The following SYNDIG1L variants were observed in gnomAD, a reference collection of about 807,000 sequenced individuals.
SYNDIG1L encodes the protein synapse differentiation inducing 1 like, also known as synapse differentiation-inducing gene protein 1-like.
Under a neutral mutation model 20.1 loss-of-function variants are expected in SYNDIG1L, and 13 were observed. The observed-to-expected ratio is 0.65, with a 90% CI of 0.42 to 1.03. SYNDIG1L has a LOEUF of 1.03. Among genes scored for constraint, SYNDIG1L ranks in the 50% least tolerant of loss-of-function variants. The probability of loss-of-function intolerance (pLI) is 0.00; values close to 1 mark genes in which losing one functional copy is unlikely to be tolerated. For missense variants in SYNDIG1L, 294 were observed against 305.1 expected (o/e 0.96, Z 0.27); for synonymous variants, 128 against 129.3 (o/e 0.99, Z 0.07).
At chr14:74,423,825 C>A (rs540920355) in intron 1 of SYNDIG1L, among the ~76,000 whole-genome samples, 3 of 151,964 alleles carry the variant, frequency 2.0e-5, no homozygotes, top group Admixed American at 2.0e-4. Flanking sequence ...TAGGAGATGG[C>A]CAATGGTGGG....
At chr14:74,476,340 G>A in the SYNDIG1L span, 14 of 665,822 alleles carry the variant, frequency 2.1e-5, no homozygotes, top group South Asian at 1.2e-4. Flanking sequence ...GCTCCTTCTT[G>A]GCCTTACCCA....
At chr14:74,432,304 C>T in the SYNDIG1L span, among the ~76,000 whole-genome samples, 2 of 152,144 alleles carry the variant, frequency 1.3e-5, no homozygotes, top group Non-Finnish European at 2.9e-5. Context: ...GCTTGGGGCA[C>T]CCATGTAAGG....
the SYNDIG1L span, among the ~76,000 whole-genome samples, chr14:74,452,508 C>T: frequency 1.1e-4 from 16 of 152,162 alleles, no homozygotes; most frequent in Non-Finnish European, 8.8e-5. Flanking sequence ...GTAAGATGTA[C>T]TTGCTCCTCC....
chr14:74,408,306 G>A (rs1452132757), intron 2 of SYNDIG1L, among the ~76,000 whole-genome samples: 1 of 152,198 alleles, frequency 6.6e-6, no homozygotes, highest in Non-Finnish European at 1.5e-5. Flanking sequence ...GCTCACACCT[G>A]TACTCACAGC....
At chr14:74,441,861 A>G in the SYNDIG1L span, among the ~76,000 whole-genome samples, 1 of 152,170 alleles carries the variant, frequency 6.6e-6, no homozygotes, top group Non-Finnish European at 1.5e-5. Context: ...TAATAAAAAA[A>G]ATTTCCAAGA....
At chr14:74,473,279 C>T in the SYNDIG1L span, among the ~76,000 whole-genome samples, 34,367 of 151,824 alleles carry the variant, frequency 0.23, 4,334 homozygotes, top group African/African-American at 0.33. Context: ...TAGCTACTCA[C>T]GAGGCTGAGG....
the SYNDIG1L span, among the ~76,000 whole-genome samples, chr14:74,453,862 A>T: frequency 3.9e-5 from 6 of 152,174 alleles, no homozygotes; most frequent in Admixed American, 2.6e-4. Flanking sequence ...GCTACTTGGG[A>T]GGCTGAGGAG....
chr14:74,422,929 C>T (rs1188963705), intron 1 of SYNDIG1L, among the ~76,000 whole-genome samples: 3 of 152,008 alleles, frequency 2.0e-5, no homozygotes, highest in African/African-American at 7.3e-5. Flanking sequence ...GAACTCCTGA[C>T]CTCAAGTGAT....
At chr14:74,412,378 G>A (rs1251205311) in intron 1 of SYNDIG1L, among the ~76,000 whole-genome samples, 4 of 152,194 alleles carry the variant, frequency 2.6e-5, no homozygotes, top group Admixed American at 6.5e-5. Flanking sequence ...TCTGTAAGCC[G>A]TATGGATTTG....
At position 74,409,695 on chromosome 14, in the gene SYNDIG1L, G is replaced by A; in HGVS notation, c.50C>T (p.Ala17Val). The stretch of plus-strand genomic sequence containing the variant: ...GTAGGGATAGGGGCCATGGAGATGG[G>A]CAGGGCTCCTGGGCAGCAGCGGGTT... The part of the protein sequence containing the change: ...LQNPLLPRSP[A>V]HLHGPYPYPE... The change falls in exon 2 of 4, where the codon GCC (alanine) becomes GTC (valine). Residue 17 changes from alanine to valine, a missense_variant. By Grantham distance (64) the Ala-to-Val change is moderately conservative. Transcript: ENST00000331628. 3 of 1,474,804 alleles carry A rather than the reference G, an allele frequency of 2.0e-6. No homozygotes were observed. The highest frequency in any genetic ancestry group is 2.7e-6 in the Non-Finnish European group (3 of 1,112,150). 91.4% of individuals were successfully genotyped at this position (1,474,804 alleles called of 1,614,324 possible).
At chr14:74,449,438 C>CAAAAAAAAAAAAA in the SYNDIG1L span, among the ~76,000 whole-genome samples, 58 of 34,014 alleles carry the variant, frequency 1.7e-3, 19 homozygotes, top group Non-Finnish European at 2.1e-3. Context: ...CCTGTCTTTA[C>CAAAAAAAAAAAAA]AAAAAAAAAA....
At chr14:74,421,526 G>A (rs913380947) in intron 1 of SYNDIG1L, among the ~76,000 whole-genome samples, 13 of 152,086 alleles carry the variant, frequency 8.5e-5, no homozygotes, top group Non-Finnish European at 1.2e-4. Flanking sequence ...AAAACAAAAA[G>A]GAATATTTAG....
the SYNDIG1L span, among the ~76,000 whole-genome samples, chr14:74,439,588 T>G: frequency 1.3e-5 from 2 of 152,094 alleles, no homozygotes; most frequent in East Asian, 3.9e-4. Flanking sequence ...GCTTAAAAAA[T>G]TATTCAAGTA....
upstream of SYNDIG1L, among the ~76,000 whole-genome samples, chr14:74,430,322 G>A (rs753365161): frequency 7.9e-5 from 12 of 152,300 alleles, no homozygotes; most frequent in South Asian, 8.3e-4. Flanking sequence ...ATGAGTGAGC[G>A]TATATGTGTG....
At chr14:74,435,009 G>A in the SYNDIG1L span, among the ~76,000 whole-genome samples, 6 of 143,448 alleles carry the variant, frequency 4.2e-5, no homozygotes, top group African/African-American at 1.6e-4. Flanking sequence ...AGTGAACCCA[G>A]GAGACGGAGC....
the SYNDIG1L span, among the ~76,000 whole-genome samples, chr14:74,463,358 G>A: frequency 1.3e-5 from 2 of 152,162 alleles, no homozygotes; most frequent in African/African-American, 4.8e-5. Context: ...AAGGGTTGGA[G>A]CAGCTCAGGG....
At chr14:74,442,798 T>C in the SYNDIG1L span, among the ~76,000 whole-genome samples, 1 of 152,170 alleles carries the variant, frequency 6.6e-6, no homozygotes, top group Non-Finnish European at 1.5e-5. Flanking sequence ...GACAGGATTT[T>C]GTAAGAGATT....
chr14:74,430,845 A>T (rs2086297870), upstream of SYNDIG1L, among the ~76,000 whole-genome samples: 1 of 152,198 alleles, frequency 6.6e-6, no homozygotes, highest in Admixed American at 6.5e-5. Context: ...ACACACAGCA[A>T]TTTTTGAAGC....
chr14:74,450,412 T>A, the SYNDIG1L span, among the ~76,000 whole-genome samples: 8 of 152,282 alleles, frequency 5.3e-5, no homozygotes, highest in Admixed American at 1.3e-4. Context: ...ATATCCTGCA[T>A]GAATATGCAT....
Sources: allele counts gnomAD v4.1 joint callset (sites outside exome capture counted in the v4.1 genomes callset), GRCh38; gene constraint gnomAD v4.1.1; transcripts MANE v1.5; gene names NCBI Gene and HGNC (gene_info 2026-07-23, HGNC 2026-07-21).